The following SGCZ variants were observed in gnomAD, a reference collection of about 807,000 sequenced individuals.
SGCZ encodes the protein zeta-sarcoglycan.
SGCZ carries 40 observed loss-of-function variants against 41.3 expected under a neutral mutation model. The ratio of observed to expected loss-of-function variants is 0.97; its 90% CI spans 0.75 to 1.26. SGCZ has a LOEUF of 1.26. Ranked by LOEUF, SGCZ falls within the 50% of genes most tolerant of loss-of-function variation. SGCZ has a pLI of 0.00. For missense variants in SGCZ, 552 were observed against 369.8 expected, an observed-to-expected ratio of 1.49 and a Z score of -4.04; for synonymous variants, 206 against 137.5, an observed-to-expected ratio of 1.50 and a Z score of -3.49.
chr8:15,156,637 T>C (rs1372324247), intron 1 of SGCZ, among the ~76,000 whole-genome samples: 3 of 152,150 alleles, frequency 2.0e-5, no homozygotes, highest in African/African-American at 2.4e-5. Context: ...TTGCAATACA[T>C]ACCAATGTAA....
At chr8:14,893,658 C>T (rs1805099944) in intron 1 of SGCZ, among the ~76,000 whole-genome samples, 1 of 152,186 alleles carries the variant, frequency 6.6e-6, no homozygotes, top group Non-Finnish European at 1.5e-5. Flanking sequence ...GGATTCAATA[C>T]TGTGTCTCAC....
At chr8:14,571,989 A>T (rs1804568407) in intron 1 of SGCZ, among the ~76,000 whole-genome samples, 1 of 152,214 alleles carries the variant, frequency 6.6e-6, no homozygotes, top group Non-Finnish European at 1.5e-5. Context: ...CAATTATCTG[A>T]TTGTTTAAAA....
chr8:14,867,497 T>A (rs1475480829), intron 1 of SGCZ, among the ~76,000 whole-genome samples: 1 of 151,976 alleles, frequency 6.6e-6, no homozygotes, highest in African/African-American at 2.4e-5. Flanking sequence ...AGAATAGTAT[T>A]TCTGTCTTTA....
intron 2 of SGCZ, among the ~76,000 whole-genome samples, chr8:14,331,019 G>T (rs1244866589): frequency 2.0e-5 from 3 of 151,680 alleles, no homozygotes; most frequent in African/African-American, 7.3e-5. Flanking sequence ...AATTCAATAG[G>T]AAGGAAGGTA....
intron 1 of SGCZ, among the ~76,000 whole-genome samples, chr8:15,117,439 A>T (rs1387398534): frequency 1.3e-5 from 2 of 152,216 alleles, no homozygotes; most frequent in African/African-American, 4.8e-5. Flanking sequence ...ATTATCTCCA[A>T]CAAAATGCTA....
At chr8:14,838,579 A>G (rs1563305760) in intron 1 of SGCZ, among the ~76,000 whole-genome samples, 1 of 151,804 alleles carries the variant, frequency 6.6e-6, no homozygotes, top group Non-Finnish European at 1.5e-5. Context: ...GAAGCTGTTT[A>G]CCTCCCCTGC....
At chr8:14,122,724 T>C (rs1802737735) in intron 5 of SGCZ, among the ~76,000 whole-genome samples, 1 of 152,212 alleles carries the variant, frequency 6.6e-6, no homozygotes, top group Non-Finnish European at 1.5e-5. Context: ...CAAGTTGTGG[T>C]CAACTCATTT....
intron 1 of SGCZ, among the ~76,000 whole-genome samples, chr8:15,165,398 C>G (rs574879122): frequency 6.8e-4 from 103 of 152,062 alleles, no homozygotes; most frequent in Non-Finnish European, 1.1e-3. Flanking sequence ...GCCCTAAAGA[C>G]TATTGGTAAC....
chr8:15,080,101 T>C (rs1234073871), intron 1 of SGCZ, among the ~76,000 whole-genome samples: 1 of 152,142 alleles, frequency 6.6e-6, no homozygotes, highest in Non-Finnish European at 1.5e-5. Context: ...TAAAGACCCA[T>C]TTTCAATTAT....
chr8:14,226,650 G>C (rs1337053910), intron 4 of SGCZ, among the ~76,000 whole-genome samples: 1 of 152,114 alleles, frequency 6.6e-6, no homozygotes, highest in Non-Finnish European at 1.5e-5. Flanking sequence ...ATTGTGGATA[G>C]AGCTGCTGTG....
At chr8:14,483,240 G>T (rs1197801256) in intron 2 of SGCZ, among the ~76,000 whole-genome samples, 1 of 152,024 alleles carries the variant, frequency 6.6e-6, no homozygotes, top group African/African-American at 2.4e-5. Flanking sequence ...TTTTAAGTAC[G>T]CGTGACAATC....
At chr8:14,808,127 C>A (rs1303821655) in intron 1 of SGCZ, among the ~76,000 whole-genome samples, 2 of 152,042 alleles carry the variant, frequency 1.3e-5, no homozygotes, top group Admixed American at 6.6e-5. Flanking sequence ...CCATAAAAAC[C>A]CTAGAAGATA....
intron 1 of SGCZ, among the ~76,000 whole-genome samples, chr8:14,574,035 A>G (rs1035669519): frequency 1.3e-5 from 2 of 152,160 alleles, no homozygotes; most frequent in Non-Finnish European, 1.5e-5. Flanking sequence ...TGGGTCCCAT[A>G]GCAGCAATCC....
chr8:14,934,744 A>G (rs1800029881), intron 1 of SGCZ, among the ~76,000 whole-genome samples: 1 of 151,726 alleles, frequency 6.6e-6, no homozygotes, highest in Admixed American at 6.6e-5. Flanking sequence ...CAAGAAGCCT[A>G]AATAAATACA....
At chr8:15,083,873 T>C (rs1317824175) in intron 1 of SGCZ, among the ~76,000 whole-genome samples, 3 of 152,188 alleles carry the variant, frequency 2.0e-5, no homozygotes, top group Non-Finnish European at 4.4e-5. Context: ...TATAAGCCAC[T>C]GCACCTGGCC....
intron 2 of SGCZ, among the ~76,000 whole-genome samples, chr8:14,511,311 T>C (rs574306539): frequency 1.3e-5 from 2 of 152,178 alleles, no homozygotes; most frequent in East Asian, 3.9e-4. Context: ...TCTTCTACTC[T>C]ATGGCTACGT....
chr8:14,887,821 T>C (rs1054794336), intron 1 of SGCZ, among the ~76,000 whole-genome samples: 1 of 152,186 alleles, frequency 6.6e-6, no homozygotes, highest in Non-Finnish European at 1.5e-5. Flanking sequence ...TTATCTCATT[T>C]TCCCTAATAT....
intron 2 of SGCZ, among the ~76,000 whole-genome samples, chr8:14,419,034 T>C (rs978171766): frequency 1.3e-5 from 2 of 151,964 alleles, no homozygotes; most frequent in South Asian, 2.1e-4. Context: ...ATTACATATC[T>C]ACTAACACTT....
intron 1 of SGCZ, among the ~76,000 whole-genome samples, chr8:15,173,706 G>A (rs940182553): frequency 1.3e-5 from 2 of 152,112 alleles, no homozygotes; most frequent in Non-Finnish European, 2.9e-5. Flanking sequence ...ATGGTCATCA[G>A]GCAGTTTTTA....
Sources: gnomAD v4.1 joint callset for allele counts (sites outside exome capture counted in the v4.1 genomes callset) on GRCh38, gnomAD v4.1.1 for gene constraint, MANE v1.5 for transcripts, NCBI Gene and HGNC (gene_info 2026-07-23, HGNC 2026-07-21) for gene names.